The following CCDC60 variants were observed in gnomAD, a reference collection of about 807,000 sequenced individuals.
The protein encoded by CCDC60 is coiled-coil domain-containing protein 60.
In CCDC60, 54 loss-of-function variants were observed where a neutral mutation model predicts 63.5. The observed-to-expected ratio is 0.85, with a 90% CI of 0.68 to 1.07. CCDC60 has a LOEUF of 1.07. Ranked by LOEUF, CCDC60 falls within the 50% of genes least tolerant of loss-of-function variation. CCDC60 has a pLI of 0.00. For missense variants in CCDC60, 651 were observed against 684.3 expected (o/e 0.95, Z 0.54); for synonymous variants, 206 against 238.8 (o/e 0.86, Z 1.27).
chr12:119,498,138 A>G (rs1425265073), intron 5 of CCDC60, among the ~76,000 whole-genome samples: 1 of 152,074 alleles, frequency 6.6e-6, no homozygotes, highest in Non-Finnish European at 1.5e-5. Context: ...TTGGACTGGG[A>G]AAAGCCTTTG....
At chr12:119,457,284 T>A (rs1950766199) in intron 2 of CCDC60, among the ~76,000 whole-genome samples, 1 of 152,232 alleles carries the variant, frequency 6.6e-6, no homozygotes, top group Non-Finnish European at 1.5e-5. Flanking sequence ...TGAGCCCTTA[T>A]AAAAGTTCCA....
intron 4 of CCDC60, among the ~76,000 whole-genome samples, chr12:119,487,316 G>A (rs1203698195): frequency 1.4e-5 from 2 of 145,264 alleles, no homozygotes; most frequent in Admixed American, 6.9e-5. Flanking sequence ...TTTTTTTTCC[G>A]AGATGAAGTC....
intron 1 of CCDC60, among the ~76,000 whole-genome samples, chr12:119,363,012 C>A (rs756279004): frequency 6.6e-6 from 1 of 152,198 alleles, no homozygotes; most frequent in South Asian, 2.1e-4. Flanking sequence ...GCAGGAGAAT[C>A]GCTTGAATGC....
intron 1 of CCDC60, among the ~76,000 whole-genome samples, chr12:119,395,277 C>T (rs1956231929): frequency 6.6e-6 from 1 of 152,158 alleles, no homozygotes; most frequent in African/African-American, 2.4e-5. Flanking sequence ...CATTATTGCA[C>T]CACTATAAAG....
intron 2 of CCDC60, among the ~76,000 whole-genome samples, chr12:119,470,602 T>C (rs1425324757): frequency 6.6e-6 from 1 of 152,194 alleles, no homozygotes; most frequent in Non-Finnish European, 1.5e-5. Flanking sequence ...AGGGGTCAAC[T>C]AATCATATGA....
intron 4 of CCDC60, among the ~76,000 whole-genome samples, chr12:119,482,007 GTAT>G (rs1432206405): frequency 2.2e-5 from 3 of 134,968 alleles, no homozygotes; most frequent in African/African-American, 9.4e-5. Flanking sequence ...TGTATATATA[GTAT>G]ATATATATGT....
chr12:119,485,275 G>A (rs1438316729), intron 4 of CCDC60, among the ~76,000 whole-genome samples: 2 of 152,266 alleles, frequency 1.3e-5, no homozygotes, highest in Non-Finnish European at 2.9e-5. Context: ...CATGGATGGT[G>A]CAAAGAGCAA....
At chr12:119,346,832 C>CTTTCTTTCTTTCT (rs1555230529) in intron 1 of CCDC60, among the ~76,000 whole-genome samples, 1,128 of 90,872 alleles carry the variant, frequency 0.012, 9 homozygotes, top group Middle Eastern at 0.032. Flanking sequence ...TTCTTTCTTT[C>CTTTCTTTCTTTCT]TTTTTTTTTT....
In CCDC60 at chr12:119,384,135, G is replaced by T. The variant is rs555465957; in HGVS notation, c.91-44548G>T. Among the ~76,000 whole-genome samples, 357 of 152,104 alleles carry T rather than the reference G, an allele frequency of 2.3e-3. 4 individuals are homozygous for T. Among genetic ancestry groups the T allele is most frequent in the African/African-American group, 8.2e-3 (341 of 41,480 alleles). On this transcript the variant is annotated intron_variant, in intron 1 of 13. Transcript: ENST00000327554. ...GGTTGTGACCCAGGAGGTGGAGCTT[G>T]CAGTGAGCTGACATCGTGCCACTAC...
intron 1 of CCDC60, among the ~76,000 whole-genome samples, chr12:119,380,102 C>T (rs1166637466): frequency 1.3e-5 from 2 of 152,208 alleles, no homozygotes; most frequent in Non-Finnish European, 2.9e-5. Flanking sequence ...CTCACACACA[C>T]ATTCTCTAAG....
chr12:119,441,865 T>G (rs1362436218), intron 2 of CCDC60, among the ~76,000 whole-genome samples: 1 of 152,202 alleles, frequency 6.6e-6, no homozygotes, highest in African/African-American at 2.4e-5. Flanking sequence ...TTATACTTTT[T>G]TTTTGCTGAA....
At chr12:119,457,400 AT>A (rs1186484392) in intron 2 of CCDC60, among the ~76,000 whole-genome samples, 45 of 152,344 alleles carry the variant, frequency 3.0e-4, no homozygotes, top group African/African-American at 1.1e-3. Context: ...CTGAAACTTG[AT>A]CTGAGAGGTG....
chr12:119,489,001 T>C lies in CCDC60; in HGVS notation c.557+135T>C, dbSNP rs879078158. 24 of 731,224 alleles carry C rather than the reference T, an allele frequency of 3.3e-5. 1 individual carries two copies. The South Asian group carries it at 3.7e-4, about 11-fold the overall frequency. 45.3% of individuals were successfully genotyped at this position (731,224 alleles called of 1,614,324 possible). A position where few individuals can be genotyped will look rare whatever the true frequency, so the allele number is the denominator to read the frequency against. ...TTCAGTTCCTCTTCTATGTGCTCTG[T>C]GGGATCTGAACAGGGGAGAACTAGA... On this transcript the variant is annotated intron_variant, in intron 5 of 13. Transcript: ENST00000327554.
intron 4 of CCDC60, among the ~76,000 whole-genome samples, chr12:119,481,690 G>C (rs553594814): frequency 2.0e-5 from 3 of 151,674 alleles, no homozygotes; most frequent in Non-Finnish European, 4.4e-5. Context: ...TGAGATTTTG[G>C]TGCACCCATC....
chr12:119,379,769 G>A (rs1232395317), intron 1 of CCDC60, among the ~76,000 whole-genome samples: 3 of 152,198 alleles, frequency 2.0e-5, no homozygotes, highest in African/African-American at 7.2e-5. Flanking sequence ...AACTGATTCA[G>A]GGAAGCTACT....
intron 2 of CCDC60, among the ~76,000 whole-genome samples, chr12:119,463,740 A>C (rs1461595349): frequency 6.6e-6 from 1 of 152,260 alleles, no homozygotes; most frequent in Non-Finnish European, 1.5e-5. Flanking sequence ...GTCTCATTGA[A>C]GTCCAGTGGC....
chr12:119,369,527 C>T (rs910435996), intron 1 of CCDC60, among the ~76,000 whole-genome samples: 1 of 152,224 alleles, frequency 6.6e-6, no homozygotes, highest in Non-Finnish European at 1.5e-5. Context: ...CCCTGGAAAT[C>T]ATCTTGCCAG....
intron 13 of CCDC60, among the ~76,000 whole-genome samples, chr12:119,535,940 G>A (rs926595438): frequency 1.1e-4 from 16 of 152,254 alleles, no homozygotes; most frequent in African/African-American, 3.9e-4. Flanking sequence ...TCTGCTTGGT[G>A]CAGAGCTGAG....
chr12:119,399,683 G>A (rs113473698), intron 1 of CCDC60, among the ~76,000 whole-genome samples: 8 of 150,962 alleles, frequency 5.3e-5, no homozygotes, highest in African/African-American at 1.7e-4. Context: ...CTGAAGACAG[G>A]GGGGAAGGGA....
Sources: gnomAD v4.1 joint callset for allele counts (sites outside exome capture counted in the v4.1 genomes callset) on GRCh38, gnomAD v4.1.1 for gene constraint, MANE v1.5 for transcripts, NCBI Gene and HGNC (gene_info 2026-07-23, HGNC 2026-07-21) for gene names.